Variants in DYM observed in about 807,000 individuals in gnomAD.
The protein encoded by DYM is dymeclin.
A neutral mutation model predicts 93.1 loss-of-function variants in DYM; 78 were observed. That is an observed-to-expected ratio of 0.84 (90% CI 0.70 to 1.01). DYM has a LOEUF of 1.01. Among genes scored for constraint, DYM ranks in the 50% least tolerant of loss-of-function variants. The pLI is 0.00. For synonymous variants in DYM, 321 were observed against 319.7 expected (o/e 1.00, Z -0.04); for missense variants, 789 against 845.0 (o/e 0.93, Z 0.82).
intron 10 of DYM, among the ~76,000 whole-genome samples, chr18:49,275,184 C>G (rs1305061888): frequency 1.3e-5 from 2 of 152,126 alleles, no homozygotes; most frequent in African/African-American, 4.8e-5. Context: ...TATTCCTTTG[C>G]AAGTGACTAC....
intron 3 of DYM, among the ~76,000 whole-genome samples, chr18:49,383,060 G>A (rs1169322972): frequency 1.3e-5 from 2 of 152,174 alleles, no homozygotes; most frequent in African/African-American, 2.4e-5. Flanking sequence ...AATCTACGTT[G>A]TGGGAAACTC....
intron 15 of DYM, among the ~76,000 whole-genome samples, chr18:49,138,488 C>T (rs1368678859): frequency 1.3e-5 from 2 of 152,182 alleles, no homozygotes; most frequent in South Asian, 2.1e-4. Flanking sequence ...ACCTGCCCAG[C>T]AGTCTCTGTT....
At chr18:49,433,487 T>C (rs1223897518) in intron 1 of DYM, among the ~76,000 whole-genome samples, 1 of 152,208 alleles carries the variant, frequency 6.6e-6, no homozygotes, top group Non-Finnish European at 1.5e-5. Flanking sequence ...ATTGGTGGTC[T>C]ACGAGTGCTA....
rs1375958125 is a variant in DYM, at chr18:49,287,824, G to A, written c.764-1208C>T. ...CGCGCCACAACAAGAGCGAAACTCC[G>A]TCTCAAAAAAAAAAAAAAAAAAAAA... On this transcript the variant is annotated intron_variant, in intron 8 of 17. Coordinates refer to ENST00000675505, the MANE Select transcript of DYM (RefSeq NM_001353214.3). Among the ~76,000 whole-genome samples the A allele has an allele frequency of 1.7e-4, 10 of 57,602 alleles. No individual in the cohort carries two copies. The East Asian group carries it at 3.6e-3, about 21-fold the overall frequency. 37.8% of individuals were successfully genotyped at this position (57,602 alleles called of 152,430 possible). A position where few individuals can be genotyped will look rare whatever the true frequency, so the allele number is the denominator to read the frequency against.
chr18:49,373,486 A>G (rs1182834489), intron 5 of DYM, among the ~76,000 whole-genome samples: 1 of 152,062 alleles, frequency 6.6e-6, no homozygotes, highest in Non-Finnish European at 1.5e-5. Flanking sequence ...AGTAAGGATG[A>G]CCAGAGGTCA....
chr18:49,269,282 A>C (rs970920042), intron 11 of DYM, among the ~76,000 whole-genome samples: 7 of 152,184 alleles, frequency 4.6e-5, no homozygotes, highest in Admixed American at 4.6e-4. Context: ...ACCAGTGTGG[A>C]TAGTCATTAT....
At chr18:49,374,003 TA>T (rs1403317255) in intron 5 of DYM, among the ~76,000 whole-genome samples, 2 of 152,098 alleles carry the variant, frequency 1.3e-5, no homozygotes, top group Non-Finnish European at 2.9e-5. Context: ...AGTATATATT[TA>T]AAAAATATAG....
In DYM at chr18:49,331,944, G is replaced by C; in HGVS notation, c.683C>G (p.Pro228Arg). ...GAAAACATGGGCCCCTGGAGGAGGT[G>C]GCTTTTCTTGTCTGATAAAGTTATA... ...LLYNFIRQEK[P>R]PPPGAHVFPQ... The change falls in exon 8 of 18, where the codon CCA (proline) becomes CGA (arginine). Residue 228 changes from proline to arginine, a missense_variant. This residue lies in a region of DYM where 450 missense variants were observed against 436.2 expected (regional missense o/e 1.03). Transcript: ENST00000675505. 6.2e-7 allele frequency: 1 copy of C among 1,614,018 alleles called. No individual in the cohort carries two copies. Among genetic ancestry groups the C allele is most frequent in the Non-Finnish European group, 8.5e-7 (1 of 1,179,986 alleles).
intron 14 of DYM, among the ~76,000 whole-genome samples, chr18:49,192,191 G>C (rs749355934): frequency 1.3e-4 from 20 of 150,746 alleles, no homozygotes; most frequent in Admixed American, 5.3e-4. Flanking sequence ...CAGAGTGCTG[G>C]GATTACAGGC....
At chr18:49,352,785 T>C (rs2065221170) in intron 6 of DYM, among the ~76,000 whole-genome samples, 1 of 152,196 alleles carries the variant, frequency 6.6e-6, no homozygotes, top group Non-Finnish European at 1.5e-5. Flanking sequence ...CTATGGATTA[T>C]TTAGCAAAGT....
At chr18:49,366,603 G>A (rs992760426) in intron 5 of DYM, among the ~76,000 whole-genome samples, 5 of 152,290 alleles carry the variant, frequency 3.3e-5, no homozygotes, top group African/African-American at 1.2e-4. Context: ...GCCAGCTTGG[G>A]CAACATACCA....
chr18:49,391,402 C>T, intron 3 of DYM, 191 bp downstream of exon 3: 1 of 599,380 alleles, frequency 1.7e-6, no homozygotes, highest in Non-Finnish European at 3.1e-6. Context: ...GCAGATATAG[C>T]CAAGCATGTG....
intron 14 of DYM, among the ~76,000 whole-genome samples, chr18:49,178,957 G>C (rs1270156813): frequency 6.6e-6 from 1 of 150,398 alleles, no homozygotes. Flanking sequence ...TTCATGCTTC[G>C]TGCTCCCTCT....
At position 49,057,306 on chromosome 18, in the gene DYM, C is replaced by T. The variant is rs76170905; in HGVS notation, c.2026-13102G>A. Among the ~76,000 whole-genome samples the T allele has an allele frequency of 7.5e-3, 1,146 of 152,284 alleles. 14 individuals carry two copies. Among genetic ancestry groups the T allele is most frequent in the African/African-American group, 0.025 (1,048 of 41,556 alleles). On this transcript the variant is annotated intron_variant, in intron 17 of 17. Transcript: ENST00000675505. Reference sequence around the variant, plus strand: ...ATGCTGACCAATCAGACAAAGAGACCGCAGAGAGGAAGGACTTCACCTCTG... The same window carrying T: ...ATGCTGACCAATCAGACAAAGAGACTGCAGAGAGGAAGGACTTCACCTCTG...
At chr18:49,144,471 C>T (rs1033631429) in intron 15 of DYM, among the ~76,000 whole-genome samples, 1 of 152,090 alleles carries the variant, frequency 6.6e-6, no homozygotes, top group Admixed American at 6.6e-5. Flanking sequence ...TCTATCATTT[C>T]TTTTTCAATT....
chr18:49,440,009 CCAAT>C (rs2081192319), intron 1 of DYM, among the ~76,000 whole-genome samples: 1 of 123,088 alleles, frequency 8.1e-6, no homozygotes. Context: ...GACTCTGTCA[CCAAT>C]AAATAAATAA....
rs554593497 is a variant in DYM, at chr18:49,418,900, C to T, written c.140+11355G>A. On this transcript the variant is annotated intron_variant, in intron 2 of 17. Coordinates refer to ENST00000675505, the MANE Select transcript of DYM (RefSeq NM_001353214.3). ...TGACAGACCAAAAGTATATGCAACACCACAAATGAAACCTCTATCATGTAA... is the reference window on the plus strand; with the variant it reads ...TGACAGACCAAAAGTATATGCAACATCACAAATGAAACCTCTATCATGTAA... 2.6e-5 allele frequency among the ~76,000 whole-genome samples: 4 copies of T among 152,266 alleles called. 1 individual carries two copies. In the South Asian group the frequency reaches 8.3e-4, roughly 32 times the overall value.
At chr18:49,219,918 AG>A (rs2093275314) in intron 13 of DYM, among the ~76,000 whole-genome samples, 1 of 21,816 alleles carries the variant, frequency 4.6e-5, no homozygotes, top group Non-Finnish European at 3.1e-4. Flanking sequence ...GCAATTAGGC[AG>A]AAGGAAATAA....
intron 13 of DYM, among the ~76,000 whole-genome samples, chr18:49,243,413 T>C (rs1386694957): frequency 6.6e-6 from 1 of 152,070 alleles, no homozygotes; most frequent in Non-Finnish European, 1.5e-5. Context: ...GCTTGTAATA[T>C]GAGCACTTTG....
Sources: gnomAD v4.1 joint callset for allele counts (sites outside exome capture counted in the v4.1 genomes callset) on GRCh38, gnomAD v4.1.1 for gene constraint, gnomAD v4.1.1 regional missense constraint, MANE v1.5 for transcripts, NCBI Gene and HGNC (gene_info 2026-07-23, HGNC 2026-07-21) for gene names.